The following C1orf167 variants were observed in gnomAD, a reference collection of about 807,000 sequenced individuals.
The protein encoded by C1orf167 is uncharacterized protein C1orf167.
Under a neutral mutation model 176.5 loss-of-function variants are expected in C1orf167, and 153 were observed. That is an observed-to-expected ratio of 0.87 (90% CI 0.76 to 0.99). The LOEUF (loss-of-function observed/expected upper bound fraction) is 0.99. Ranked by LOEUF, C1orf167 falls within the 50% of genes least tolerant of loss-of-function variation. The pLI is 0.00. For missense variants in C1orf167, 1,490 were observed against 1,817.7 expected (o/e 0.82, Z 3.28); for synonymous variants, 594 against 752.7 (o/e 0.79, Z 3.45).
At chr1:11,787,775 T>C in intron 17 of C1orf167, 98 bp from the exon 18 acceptor site, 1 of 1,171,730 alleles carries the variant, frequency 8.5e-7, no homozygotes, top group Non-Finnish European at 1.1e-6. Flanking sequence ...AGCACCTTCC[T>C]CCACCCTCCT....
At position 11,772,017 on chromosome 1, in the gene C1orf167, C is replaced by T. The variant is rs912083007; in HGVS notation, c.1811-65C>T. ...CAGGCACCCCACATGTCAGGGGCCC[C>T]TCCTGGCTCAGATCCTCCCATCTGC... On this transcript the variant is annotated intron_variant, in intron 7 of 20. Coordinates refer to ENST00000688073, the MANE Select transcript of C1orf167 (RefSeq NM_001010881.2). The T allele has an allele frequency of 4.9e-6, 6 of 1,213,392 alleles. No homozygotes were observed. In the African/African-American group the frequency reaches 7.9e-5, roughly 16 times the overall value. The allele number at this position is 1,213,392 out of a possible 1,614,324, so 75.2% of individuals were successfully genotyped here. A position where few individuals can be genotyped will look rare whatever the true frequency, so the allele number is the denominator to read the frequency against.
At chr1:11,765,388 A>G (rs1313881398) in intron 2 of C1orf167, among the ~76,000 whole-genome samples, 2 of 152,056 alleles carry the variant, frequency 1.3e-5, no homozygotes, top group African/African-American at 4.8e-5. Context: ...GCTTACCTTT[A>G]GCCGTGGCTC....
intron 14 of C1orf167, among the ~76,000 whole-genome samples, chr1:11,783,552 T>A (rs1643689694): frequency 1.3e-5 from 2 of 152,012 alleles, no homozygotes. Flanking sequence ...TGGCCGTAGA[T>A]GGTTTTTTTT....
rs1190237316 is a variant in C1orf167 at position 11,768,877 on chromosome 1, T to C, written c.1543-96T>C. On this transcript the variant is annotated intron_variant, in intron 5 of 20. Transcript: ENST00000688073. The surrounding 1 kb of genome is among the most constrained non-coding windows in gnomAD (Gnocchi z 4.5). ...TAAGACCACAGGCTGTGGAATCTGA[T>C]AGGCATGTGTTACTCCTGTCCCCGC... The C allele has an allele frequency of 4.8e-6, 4 of 833,982 alleles. No homozygotes were observed. Among genetic ancestry groups the C allele is most frequent in the Non-Finnish European group, 5.8e-6 (4 of 691,662 alleles). 51.7% of individuals were successfully genotyped at this position (833,982 alleles called of 1,614,324 possible). A position where few individuals can be genotyped will look rare whatever the true frequency, so the allele number is the denominator to read the frequency against.
At chr1:11,785,001 C>G in intron 15 of C1orf167, 147 bp from the exon 16 acceptor site, 1 of 689,650 alleles carries the variant, frequency 1.5e-6, no homozygotes, top group Non-Finnish European at 2.0e-6. Flanking sequence ...CCCAGATTCT[C>G]CCTCCAGAAA....
chr1:11,788,549 C>A, intron 19 of C1orf167, 103 bp from the exon 20 acceptor site: 1 of 1,144,216 alleles, frequency 8.7e-7, no homozygotes, highest in Non-Finnish European at 1.2e-6. Flanking sequence ...TTGCCATAGC[C>A]CTTTCACTCT....
At chr1:11,769,650 A>G (rs1163784789) in intron 6 of C1orf167, among the ~76,000 whole-genome samples, 2 of 150,334 alleles carry the variant, frequency 1.3e-5, no homozygotes, top group African/African-American at 2.4e-5. Flanking sequence ...ACAATTAGCA[A>G]CCATCCAATA....
intron 14 of C1orf167, among the ~76,000 whole-genome samples, chr1:11,783,153 C>A (rs1233102302): frequency 1.3e-5 from 2 of 152,144 alleles, no homozygotes; most frequent in South Asian, 2.1e-4. Context: ...TACAAATTTG[C>A]GAATGTTCAG....
In C1orf167 at chr1:11,784,320, A is replaced by G; in HGVS notation, c.3152A>G (p.Gln1051Arg). ...REAQEVAAGA[Q>R]EQRVAQASLA... ...GCCCAGGAAGTGGCAGCCGGGGCACAGGAGCAGCGTGTGGCCCAGGCCTCC... is the reference window on the plus strand; with the variant it reads ...GCCCAGGAAGTGGCAGCCGGGGCACGGGAGCAGCGTGTGGCCCAGGCCTCC... The change falls in exon 15 of 21, where the codon CAG (glutamine) becomes CGG (arginine). Residue 1051 changes from glutamine to arginine, a missense_variant. Transcript: ENST00000688073. 1 of 1,303,778 alleles carries G rather than the reference A, an allele frequency of 7.7e-7. No homozygotes were observed. Among genetic ancestry groups the G allele is most frequent in the Non-Finnish European group, 1.0e-6 (1 of 988,724 alleles). 80.8% of individuals were successfully genotyped at this position (1,303,778 alleles called of 1,614,324 possible).
At chr1:11,779,442 G>A (rs1643487266) in intron 12 of C1orf167, 1 of 221,156 alleles carries the variant, frequency 4.5e-6, no homozygotes, top group African/African-American at 2.3e-5. Context: ...TCTGTAAAAT[G>A]GGGTTAATAG....
At position 11,783,425 on chromosome 1, in the gene C1orf167, T is replaced by C. The variant is rs368776111; in HGVS notation, c.3006-749T>C. Among the ~76,000 whole-genome samples, 11 of 152,230 alleles carry C rather than the reference T, an allele frequency of 7.2e-5. No homozygotes were observed. In the East Asian group the frequency reaches 1.4e-3, roughly 19 times the overall value. On this transcript the variant is annotated intron_variant, in intron 14 of 20. Transcript: ENST00000688073. ...ACCACACCTGGCTAATTTTGTATTT[T>C]TAGTAGAGACGGGGTTTCTCCATGT... is the stretch of plus-strand genomic sequence containing the variant.
At chr1:11,763,442 C>G (rs1319216673) in intron 1 of C1orf167, among the ~76,000 whole-genome samples, 1 of 107,814 alleles carries the variant, frequency 9.3e-6, no homozygotes, top group Admixed American at 9.2e-5. Context: ...GACTCCGGCT[C>G]AAAAAAAAAA....
chr1:11,771,069 A>ATAT (rs1557726938), intron 6 of C1orf167, among the ~76,000 whole-genome samples: 3 of 47,224 alleles, frequency 6.4e-5, no homozygotes, highest in Admixed American at 4.0e-4. Context: ...ATATATATAT[A>ATAT]TTTTTTTTTT....
chr1:11,771,818 A>G (rs55929441), intron 7 of C1orf167, among the ~76,000 whole-genome samples, 182 bp downstream of exon 7: 15,462 of 152,154 alleles, frequency 0.1, 854 homozygotes, highest in South Asian at 0.19. Context: ...AACTGTGCCC[A>G]TTTTACGGAT....
At position 11,768,196 on chromosome 1, in the gene C1orf167, C is replaced by A. The variant is rs1305370501; in HGVS notation, c.1463C>A (p.Ala488Asp). Residue 488 changes from alanine (A) to aspartate (D), a missense_variant, in exon 5 of 21, where the codon GCC (alanine) becomes GAC (aspartate). Coordinates refer to ENST00000688073, the MANE Select transcript of C1orf167 (RefSeq NM_001010881.2). This position sits in a 1 kb window ranked among gnomAD's most constrained non-coding sequence, Gnocchi z 4.5. ...CAGCTGTTGCGAAAGTGCCTTCAGG[C>A]CTTGTGGCTCCGGGAGGCTCAGCTG... ...RWQLLRKCLQ[A>D]LWLREAQLEA... The A allele has an allele frequency of 3.1e-6, 4 of 1,289,638 alleles. No homozygotes were observed. Among genetic ancestry groups the A allele is most frequent in the Admixed American group, 4.6e-5 (2 of 43,544 alleles). The allele number at this position is 1,289,638 out of a possible 1,614,324, so 79.9% of individuals were successfully genotyped here.
intron 16 of C1orf167, 51 bp from the exon 17 acceptor site, chr1:11,787,336 AG>A (rs1343019578): frequency 8.6e-7 from 1 of 1,158,344 alleles, no homozygotes. Context: ...GCGGGGCCCC[AG>A]GAAGTCCAAG....
chr1:11,787,587 G>T, intron 17 of C1orf167, 94 bp downstream of exon 17: 2 of 933,160 alleles, frequency 2.1e-6, no homozygotes, highest in Non-Finnish European at 2.9e-6. Context: ...AGCTCCTTGG[G>T]ACACGGTCTT....
chr1:11,788,510 ATTC>A lies in C1orf167; in HGVS notation c.4078+135_4078+137del. The A allele has an allele frequency of 3.6e-6, 4 of 1,106,170 alleles. No individual in the cohort carries two copies. In the Admixed American group the frequency reaches 7.5e-5, roughly 21 times the overall value. The allele number at this position is 1,106,170 out of a possible 1,614,324, so 68.5% of individuals were successfully genotyped here. A position where few individuals can be genotyped will look rare whatever the true frequency, so the allele number is the denominator to read the frequency against. Reference sequence around the variant, plus strand: ...TTGGGGGACAGGCCCAGGAATCTGCATTCTTAATACTCCTCAGATGACACCCCC... The same window carrying A: ...TTGGGGGACAGGCCCAGGAATCTGCATTAATACTCCTCAGATGACACCCCC... On this transcript the variant is annotated intron_variant, in intron 19 of 20. Transcript: ENST00000688073.
Position 11,766,312 on chromosome 1 carries a change from AC to A in C1orf167, c.530del (p.Pro177LeufsTer148). On this transcript the variant is annotated frameshift_variant, in exon 3 of 21. Coordinates refer to ENST00000688073, the MANE Select transcript of C1orf167 (RefSeq NM_001010881.2). LOFTEE classifies it high-confidence loss of function. This position sits in a 1 kb window ranked among gnomAD's most constrained non-coding sequence, Gnocchi z 4.5. ...LRQSGLPAPG[T>X]PSGDFRPTEA... ...GCAGTCCGGGCTGCCGGCCCCAGGC[AC>A]CCCTAGCGGGGACTTCAGGCCCACT... The A allele has an allele frequency of 7.8e-7, 1 of 1,288,414 alleles. No homozygotes were observed. Among genetic ancestry groups the A allele is most frequent in the Non-Finnish European group, 1.0e-6 (1 of 988,410 alleles). 79.8% of individuals were successfully genotyped at this position (1,288,414 alleles called of 1,614,324 possible). A position where few individuals can be genotyped will look rare whatever the true frequency, so the allele number is the denominator to read the frequency against.
Sources: allele counts gnomAD v4.1 joint callset (sites outside exome capture counted in the v4.1 genomes callset), GRCh38; gene constraint gnomAD v4.1.1; non-coding constraint Gnocchi (gnomAD v3.1); transcripts MANE v1.5; gene names NCBI Gene and HGNC (gene_info 2026-07-23, HGNC 2026-07-21).